Variants in KIFAP3 observed in about 807,000 individuals in gnomAD.
KIFAP3 encodes the protein kinesin-associated protein 3.
KIFAP3 carries 68 observed loss-of-function variants against 106.5 expected under a neutral mutation model. The observed-to-expected ratio is 0.64, with a 90% CI of 0.53 to 0.78. KIFAP3 has a LOEUF of 0.78. Among genes scored for constraint, KIFAP3 ranks in the 30% least tolerant of loss-of-function variants. The pLI is 0.00. For synonymous variants in KIFAP3, 320 were observed against 311.5 expected (o/e 1.03, Z -0.29); for missense variants, 780 against 941.8 (o/e 0.83, Z 2.25).
At chr1:169,971,695 TAA>T (rs980920388) in intron 17 of KIFAP3, among the ~76,000 whole-genome samples, 1 of 151,374 alleles carries the variant, frequency 6.6e-6, no homozygotes, top group African/African-American at 2.4e-5. Context: ...TATTGATTTT[TAA>T]AAAAAAATGT....
chr1:170,081,007 T>C (rs2102194300), intron 1 of KIFAP3, among the ~76,000 whole-genome samples: 1 of 152,314 alleles, frequency 6.6e-6, no homozygotes, highest in African/African-American at 2.4e-5. Flanking sequence ...ATCAGTGTTA[T>C]CATTTTGCTT....
At chr1:170,054,880 G>A (rs1024753809) in intron 2 of KIFAP3, among the ~76,000 whole-genome samples, 4 of 152,282 alleles carry the variant, frequency 2.6e-5, no homozygotes, top group Admixed American at 2.6e-4. Context: ...AAACCTAAAT[G>A]AGGGGTTGAT....
chr1:169,934,295 C>T (rs933427877), intron 19 of KIFAP3, among the ~76,000 whole-genome samples: 39 of 152,098 alleles, frequency 2.6e-4, no homozygotes, highest in African/African-American at 8.0e-4. Context: ...TTCCTTTTAC[C>T]GTAGTGAGAC....
At chr1:170,058,640 T>A (rs1057216048) in intron 1 of KIFAP3, among the ~76,000 whole-genome samples, 1 of 151,628 alleles carries the variant, frequency 6.6e-6, no homozygotes. Flanking sequence ...TACCAAATCC[T>A]CCATCCCAGC....
intron 9 of KIFAP3, among the ~76,000 whole-genome samples, chr1:170,020,170 G>A (rs1571678031): frequency 6.6e-6 from 1 of 152,100 alleles, no homozygotes; most frequent in East Asian, 1.9e-4. Flanking sequence ...TAAATAGAAA[G>A]CTATACTATA....
Position 170,054,943 on chromosome 1 carries a change from T to G in KIFAP3, c.164+362A>C, listed in dbSNP as rs551194084. 2.6e-5 allele frequency among the ~76,000 whole-genome samples: 4 copies of G among 152,314 alleles called. No individual in the cohort carries two copies. The South Asian group carries it at 8.3e-4, about 32-fold the overall frequency. The stretch of plus-strand genomic sequence containing the variant: ...TATATCTATGTAACAAACCTGCACT[T>G]TCTGCACATGTATCACAGAACTTAA... On this transcript the variant is annotated intron_variant, in intron 2 of 19. Transcript: ENST00000361580.
intron 5 of KIFAP3, 98 bp from the exon 6 acceptor site, chr1:170,035,651 TA>T: frequency 1.5e-6 from 1 of 671,272 alleles, no homozygotes; most frequent in Non-Finnish European, 2.4e-6. Context: ...ATAATAAAGC[TA>T]AGATAGAACT....
chr1:169,962,889 G>A (rs1042728656), intron 17 of KIFAP3, among the ~76,000 whole-genome samples: 2 of 152,174 alleles, frequency 1.3e-5, no homozygotes, highest in Non-Finnish European at 1.5e-5. Flanking sequence ...GGGGAAGGTA[G>A]AGGATATTTT....
chr1:169,979,773 G>A (rs1395833509), intron 15 of KIFAP3, among the ~76,000 whole-genome samples: 1 of 152,068 alleles, frequency 6.6e-6, no homozygotes, highest in Admixed American at 6.6e-5. Context: ...TCCTACGTGT[G>A]AACCTAATGG....
intron 1 of KIFAP3, among the ~76,000 whole-genome samples, chr1:170,057,972 T>A (rs1571747685): frequency 6.6e-6 from 1 of 152,244 alleles, no homozygotes; most frequent in East Asian, 1.9e-4. Context: ...GAAAAATCAT[T>A]TTCTTTTAAT....
intron 1 of KIFAP3, among the ~76,000 whole-genome samples, chr1:170,061,719 T>C (rs1671167338): frequency 6.6e-6 from 1 of 152,170 alleles, no homozygotes; most frequent in Non-Finnish European, 1.5e-5. Context: ...CACACATATA[T>C]TTATTGTGGC....
At chr1:170,002,086 C>T (rs1667694326) in intron 10 of KIFAP3, among the ~76,000 whole-genome samples, 1 of 152,090 alleles carries the variant, frequency 6.6e-6, no homozygotes, top group Non-Finnish European at 1.5e-5. Flanking sequence ...TAGAGTTCAA[C>T]AGTATCTGCT....
chr1:169,921,599 T>G lies in KIFAP3; in HGVS notation c.*77A>C. 1 of 1,084,994 alleles carries G rather than the reference T, an allele frequency of 9.2e-7. No homozygotes were observed. The highest frequency in any genetic ancestry group is 1.4e-6 in the Non-Finnish European group (1 of 715,672). 67.2% of individuals were successfully genotyped at this position (1,084,994 alleles called of 1,614,324 possible). On this transcript the variant is annotated 3_prime_UTR_variant, in exon 20 of 20. Transcript: ENST00000361580. ...CCACAATAACATCAACATGCATTAT[T>G]AGGCAAAGATCCAAAATTAACCCAA...
intron 15 of KIFAP3, 49 bp from the exon 16 acceptor site, chr1:169,978,232 A>C: frequency 8.4e-7 from 1 of 1,184,840 alleles, no homozygotes. Flanking sequence ...TTTATATACC[A>C]AATTTAAAAT....
At chr1:170,039,141 A>G (rs147057298) in intron 4 of KIFAP3, 92 bp downstream of exon 4, 2 of 489,134 alleles carry the variant, frequency 4.1e-6, no homozygotes, top group South Asian at 4.3e-5. Context: ...AAAATACCAC[A>G]TGTGCTTAAT....
chr1:169,982,630 C>T, intron 14 of KIFAP3, 72 bp downstream of exon 14: 1 of 1,031,090 alleles, frequency 9.7e-7, no homozygotes, highest in Non-Finnish European at 1.4e-6. Flanking sequence ...CACAATACTG[C>T]TCTAGCAGCC....
At position 170,038,561 on chromosome 1, in the gene KIFAP3, A is replaced by G. The variant is rs577096319; in HGVS notation, c.376-130T>C. On this transcript the variant is annotated intron_variant, in intron 4 of 19. Transcript: ENST00000361580. ...AATTTCCAAAGAACTCATAGTAGCC[A>G]TCTTTTTGGATATGGAAATTTTAGA... 19 of 877,002 alleles carry G rather than the reference A, an allele frequency of 2.2e-5. No homozygotes were observed. The South Asian group carries it at 3.1e-4, about 15-fold the overall frequency. The allele number at this position is 877,002 out of a possible 1,614,324, so 54.3% of individuals were successfully genotyped here. A position where few individuals can be genotyped will look rare whatever the true frequency, so the allele number is the denominator to read the frequency against.
At chr1:169,953,217 G>A (rs549043663) in intron 19 of KIFAP3, among the ~76,000 whole-genome samples, 46 of 151,892 alleles carry the variant, frequency 3.0e-4, no homozygotes, top group African/African-American at 1.1e-3. Flanking sequence ...TATGCTGTGG[G>A]GAACTTTATT....
In KIFAP3 at chr1:169,951,986, T is replaced by C. The variant is rs1432895664; in HGVS notation, c.2273+2025A>G. Among the ~76,000 whole-genome samples the C allele has an allele frequency of 2.0e-5, 3 of 152,108 alleles. No homozygotes were observed. In the South Asian group the frequency reaches 6.2e-4, roughly 32 times the overall value. ...TTTCAGAAAACATTTGTACAGTGAATTGTCACCTGATAGAGTACAGTATTT... is the reference window on the plus strand; with the variant it reads ...TTTCAGAAAACATTTGTACAGTGAACTGTCACCTGATAGAGTACAGTATTT... On this transcript the variant is annotated intron_variant, in intron 19 of 19. Coordinates refer to ENST00000361580, the MANE Select transcript of KIFAP3 (RefSeq NM_014970.4).
Sources: allele counts gnomAD v4.1 joint callset (sites outside exome capture counted in the v4.1 genomes callset), GRCh38; gene constraint gnomAD v4.1.1; transcripts MANE v1.5; gene names NCBI Gene and HGNC (gene_info 2026-07-23, HGNC 2026-07-21).